The following NLN variants were observed in gnomAD, a reference collection of about 807,000 sequenced individuals.
NLN encodes neurolysin, mitochondrial.
A neutral mutation model predicts 79.9 loss-of-function variants in NLN; 64 were observed. That is an observed-to-expected ratio of 0.80 (90% CI 0.65 to 0.99). The LOEUF is 0.99. NLN is among the 50% of genes least tolerant of loss of function. The pLI is 0.00. For missense variants in NLN, 835 were observed against 858.7 expected, an observed-to-expected ratio of 0.97 and a Z score of 0.34; for synonymous variants, 267 against 296.6, an observed-to-expected ratio of 0.90 and a Z score of 1.02.
chr5:65,801,015 G>C (rs904651837), intron 9 of NLN, among the ~76,000 whole-genome samples: 14 of 152,010 alleles, frequency 9.2e-5, no homozygotes, highest in African/African-American at 3.4e-4. Flanking sequence ...TTAGACAACT[G>C]TCTTCCTCTC....
At chr5:65,744,468 T>TC (rs200131627) in intron 1 of NLN, among the ~76,000 whole-genome samples, 14 of 143,104 alleles carry the variant, frequency 9.8e-5, no homozygotes, top group Middle Eastern at 3.6e-3. Context: ...AGCTTCTCTC[T>TC]CCCCTTTTTT....
chr5:65,765,518 C>G (rs2150749501), intron 3 of NLN, among the ~76,000 whole-genome samples: 1 of 151,240 alleles, frequency 6.6e-6, no homozygotes, highest in Middle Eastern at 3.4e-3. Context: ...AACTTCATCT[C>G]AAAAAAATAA....
At chr5:65,821,178 G>A (rs1401419993) in intron 12 of NLN, among the ~76,000 whole-genome samples, 2 of 152,124 alleles carry the variant, frequency 1.3e-5, no homozygotes, top group Admixed American at 6.5e-5. Flanking sequence ...TGGGAAGTTC[G>A]GTATCAGTGA....
chr5:65,754,960 T>C (rs993698715), intron 1 of NLN, among the ~76,000 whole-genome samples: 1 of 152,198 alleles, frequency 6.6e-6, no homozygotes, highest in Non-Finnish European at 1.5e-5. Context: ...GTAGGCAATT[T>C]ATCCAAACTA....
intron 1 of NLN, among the ~76,000 whole-genome samples, chr5:65,731,275 A>G (rs1320124064): frequency 1.3e-5 from 2 of 152,198 alleles, no homozygotes; most frequent in African/African-American, 4.8e-5. Context: ...TCTACTGGTC[A>G]AAGCAAGTCA....
chr5:65,747,097 A>G (rs931649268), intron 1 of NLN, among the ~76,000 whole-genome samples: 3 of 152,228 alleles, frequency 2.0e-5, no homozygotes, highest in Admixed American at 1.3e-4. Flanking sequence ...GCACAGAGCA[A>G]GAAATTGGCT....
intron 8 of NLN, 112 bp downstream of exon 8, chr5:65,788,596 G>GATTAC: frequency 2.7e-6 from 3 of 1,109,956 alleles, no homozygotes; most frequent in Non-Finnish European, 3.9e-6. Flanking sequence ...AACACTTTGG[G>GATTAC]AGGCCAAGGT....
intron 3 of NLN, among the ~76,000 whole-genome samples, chr5:65,774,046 G>C (rs1579939822): frequency 7.1e-6 from 1 of 140,072 alleles, no homozygotes; most frequent in South Asian, 2.4e-4. Flanking sequence ...CATTAAAATA[G>C]AATTCAAAGT....
chr5:65,734,927 T>A (rs1013131770), intron 1 of NLN, among the ~76,000 whole-genome samples: 1 of 152,214 alleles, frequency 6.6e-6, no homozygotes, highest in African/African-American at 2.4e-5. Flanking sequence ...GAACCACAAA[T>A]TATTTATTTA....
intron 9 of NLN, among the ~76,000 whole-genome samples, chr5:65,795,968 A>G (rs904421758): frequency 6.6e-6 from 1 of 152,170 alleles, no homozygotes; most frequent in Non-Finnish European, 1.5e-5. Context: ...ACATTTTTGG[A>G]TCTGAGGACC....
At chr5:65,740,066 G>T (rs1449655228) in intron 1 of NLN, among the ~76,000 whole-genome samples, 2 of 152,078 alleles carry the variant, frequency 1.3e-5, no homozygotes, top group South Asian at 4.2e-4. Context: ...AAAAATCATT[G>T]CCCACACTAG....
At chr5:65,776,514 ATAGAAGGCCTATAAGGCTT>A (rs1759682021) in intron 3 of NLN, among the ~76,000 whole-genome samples, 1 of 152,204 alleles carries the variant, frequency 6.6e-6, no homozygotes, top group African/African-American at 2.4e-5. Flanking sequence ...TCTTTAACCA[ATAGAAGGCCTATAAGGCTT>A]TAGAAACAAG....
intron 9 of NLN, among the ~76,000 whole-genome samples, chr5:65,802,767 T>C (rs1197520301): frequency 6.6e-6 from 1 of 152,108 alleles, no homozygotes; most frequent in Non-Finnish European, 1.5e-5. Flanking sequence ...AATGTGAGTG[T>C]TCAGCTATCA....
intron 1 of NLN, among the ~76,000 whole-genome samples, chr5:65,745,857 C>G (rs763529286): frequency 7.9e-5 from 12 of 152,192 alleles, no homozygotes; most frequent in Non-Finnish European, 1.8e-4. Flanking sequence ...TAGAAAGCAT[C>G]CAGAACCTCC....
chr5:65,803,267 A>G (rs1248802758), intron 9 of NLN, among the ~76,000 whole-genome samples: 3 of 152,076 alleles, frequency 2.0e-5, no homozygotes, highest in Admixed American at 6.5e-5. Flanking sequence ...GCCTGCTACC[A>G]CTGTTTATGG....
At chr5:65,805,030 A>G (rs1012262317) in intron 9 of NLN, among the ~76,000 whole-genome samples, 1 of 152,108 alleles carries the variant, frequency 6.6e-6, no homozygotes, top group African/African-American at 2.4e-5. Flanking sequence ...TTATTTTTAT[A>G]TCTGTTATTG....
Position 65,758,772 on chromosome 5 carries a change from G to A in NLN, c.247G>A (p.Val83Ile). Residue 83 changes from valine (V) to isoleucine (I), a missense_variant, in exon 2 of 13, where the codon GTA (valine) becomes ATA (isoleucine). Val to Ile is a conservative substitution (Grantham distance 29, BLOSUM62 3). Transcript: ENST00000380985. ...TGTTGGAATGCTCGGTATTGAGGAA[G>A]TAACTTACGAGAACTGTCTGCAGGC... Reference protein sequence around the residue: ...DAVGMLGIEEVTYENCLQALA... With the variant: ...DAVGMLGIEEITYENCLQALA... 6.2e-7 allele frequency: 1 copy of A among 1,613,832 alleles called. No homozygotes were observed. Among genetic ancestry groups the A allele is most frequent in the Middle Eastern group, 1.7e-4 (1 of 6,058 alleles).
chr5:65,752,744 CAGAA>C (rs1759127439), intron 1 of NLN, among the ~76,000 whole-genome samples: 1 of 152,152 alleles, frequency 6.6e-6, no homozygotes, highest in Non-Finnish European at 1.5e-5. Context: ...AGAGATAATG[CAGAA>C]AGAAAGTACT....
rs887740524 is a variant in NLN at position 65,823,924 on chromosome 5, C to G, written c.*1009C>G. On this transcript the variant is annotated 3_prime_UTR_variant, in exon 13 of 13. Coordinates refer to ENST00000380985, the MANE Select transcript of NLN (RefSeq NM_020726.5). ...GGATAGAAGCATTTGAGGACAGCTG[C>G]TCCAAAGCCTTATGTGTATGATGAA... 1.8e-4 allele frequency: 28 copies of G among 152,292 alleles called. No individual in the cohort carries two copies. The highest frequency in any genetic ancestry group is 6.3e-4 in the African/African-American group (26 of 41,550). 9.4% of individuals were successfully genotyped at this position (152,292 alleles called of 1,614,324 possible). A position where few individuals can be genotyped will look rare whatever the true frequency, so the allele number is the denominator to read the frequency against.
Sources: allele counts gnomAD v4.1 joint callset (sites outside exome capture counted in the v4.1 genomes callset), GRCh38; gene constraint gnomAD v4.1.1; transcripts MANE v1.5; gene names NCBI Gene and HGNC (gene_info 2026-07-23, HGNC 2026-07-21).